Variants in RPS6KC1 observed in about 807,000 individuals in gnomAD.
RPS6KC1 encodes the protein inactive ribosomal protein S6 kinase delta-1.
Under a neutral mutation model 103.8 loss-of-function variants are expected in RPS6KC1, and 54 were observed. The observed-to-expected ratio is 0.52, with a 90% CI of 0.42 to 0.65. RPS6KC1 has a LOEUF of 0.65. Among genes scored for constraint, RPS6KC1 ranks in the 30% least tolerant of loss-of-function variants. RPS6KC1 has a pLI of 0.00. For missense variants in RPS6KC1, 1,151 were observed against 1,253.8 expected, an observed-to-expected ratio of 0.92 and a Z score of 1.24; for synonymous variants, 439 against 438.7, an observed-to-expected ratio of 1.00 and a Z score of -0.01.
chr1:213,081,705 A>C (rs1327612150), intron 3 of RPS6KC1, among the ~76,000 whole-genome samples: 2 of 146,546 alleles, frequency 1.4e-5, no homozygotes, highest in Non-Finnish European at 3.0e-5. Context: ...GAGGGATACC[A>C]GCTTTTCCTA....
intron 6 of RPS6KC1, among the ~76,000 whole-genome samples, chr1:213,137,458 C>G (rs1362765756): frequency 6.6e-6 from 1 of 151,864 alleles, no homozygotes; most frequent in Non-Finnish European, 1.5e-5. Flanking sequence ...CTCAACCTCC[C>G]GAGTAGCTGA....
At chr1:213,211,840 A>G (rs58490214) in intron 8 of RPS6KC1, among the ~76,000 whole-genome samples, 257 of 152,306 alleles carry the variant, frequency 1.7e-3, no homozygotes, top group African/African-American at 5.8e-3. Flanking sequence ...TGTTTTAGTT[A>G]TTTGTGTAAA....
At chr1:213,362,236 G>A in the RPS6KC1 span, among the ~76,000 whole-genome samples, 14,269 of 152,150 alleles carry the variant, frequency 0.094, 898 homozygotes, top group Non-Finnish European at 0.14. Context: ...GACTACAGTG[G>A]TGAGGGATTT....
At chr1:213,282,876 C>T in the RPS6KC1 span, among the ~76,000 whole-genome samples, 1 of 152,150 alleles carries the variant, frequency 6.6e-6, no homozygotes, top group Non-Finnish European at 1.5e-5. Flanking sequence ...CATATGCTTT[C>T]ATTATTTGAT....
the RPS6KC1 span, among the ~76,000 whole-genome samples, chr1:213,802,020 A>T: frequency 6.6e-6 from 1 of 152,170 alleles, no homozygotes; most frequent in African/African-American, 2.4e-5. Flanking sequence ...ATACTCAGTT[A>T]TTTTTTTCAC....
Position 213,167,969 on chromosome 1 carries a change from C to T in RPS6KC1, c.947C>T (p.Ser316Phe), listed in dbSNP as rs1014878313. The T allele has an allele frequency of 2.5e-6, 4 of 1,595,368 alleles. No individual in the cohort carries two copies. The Admixed American group carries it at 6.7e-5, about 27-fold the overall frequency. ...LYGKPQLDDV[S>F]QPPGSLSSRP... is the part of the protein sequence containing the mutation. ...GGGAAACCTCAGCTTGATGATGTAT[C>T]TCAGGTATGTCTCATATTTTGTTGT... Residue 316 changes from serine to phenylalanine, a missense_variant, in exon 7 of 15, where the codon TCT (serine) becomes TTT (phenylalanine). Around this residue, in one of 3 missense-constraint regions of RPS6KC1, gnomAD observed 959 missense variants for 1,006.3 expected, o/e 0.95. Transcript: ENST00000366960.
intron 6 of RPS6KC1, among the ~76,000 whole-genome samples, chr1:213,158,522 CAT>C (rs1159790078): frequency 6.6e-6 from 1 of 152,210 alleles, no homozygotes; most frequent in Non-Finnish European, 1.5e-5. Flanking sequence ...ATACCCATAA[CAT>C]ATCACAGTAG....
At chr1:213,296,636 G>A in the RPS6KC1 span, among the ~76,000 whole-genome samples, 1 of 152,202 alleles carries the variant, frequency 6.6e-6, no homozygotes, top group African/African-American at 2.4e-5. Flanking sequence ...GTTCTGTCTT[G>A]GGGAGGAAGG....
At chr1:213,526,631 A>AATCTGGGT in the RPS6KC1 span, among the ~76,000 whole-genome samples, 1 of 152,142 alleles carries the variant, frequency 6.6e-6, no homozygotes, top group African/African-American at 2.4e-5. Flanking sequence ...AGCGATCCAA[A>AATCTGGGT]ATCTGGGTTT....
chr1:213,322,211 C>T, the RPS6KC1 span, among the ~76,000 whole-genome samples: 2 of 152,140 alleles, frequency 1.3e-5, no homozygotes, highest in African/African-American at 2.4e-5. Flanking sequence ...GAGGCCGAGG[C>T]AGGAGAATTG....
the RPS6KC1 span, among the ~76,000 whole-genome samples, chr1:213,662,014 C>T: frequency 6.6e-6 from 1 of 152,088 alleles, no homozygotes; most frequent in African/African-American, 2.4e-5. Context: ...ACTGAAATTT[C>T]TAAGAAAACA....
chr1:213,275,862 C>T (rs1397834023), downstream of RPS6KC1, among the ~76,000 whole-genome samples: 2 of 152,194 alleles, frequency 1.3e-5, no homozygotes, highest in African/African-American at 4.8e-5. Context: ...CAACGTCTCC[C>T]CTTACCTCAT....
At chr1:213,766,443 T>C in the RPS6KC1 span, among the ~76,000 whole-genome samples, 1 of 152,160 alleles carries the variant, frequency 6.6e-6, no homozygotes, top group Non-Finnish European at 1.5e-5. Context: ...CAACACTCCT[T>C]GAGGACTGGA....
the RPS6KC1 span, among the ~76,000 whole-genome samples, chr1:213,511,334 G>C: frequency 6.6e-6 from 1 of 152,134 alleles, no homozygotes; most frequent in Non-Finnish European, 1.5e-5. Context: ...GTGCCCCCAC[G>C]GCCCTGCTCT....
the RPS6KC1 span, among the ~76,000 whole-genome samples, chr1:213,286,269 C>A: frequency 6.6e-6 from 1 of 152,090 alleles, no homozygotes; most frequent in Non-Finnish European, 1.5e-5. Context: ...GTATCTAGAA[C>A]CCAGATTGTG....
At chr1:213,275,861 C>A (rs565043291), downstream of RPS6KC1, among the ~76,000 whole-genome samples, 3 of 152,322 alleles carry the variant, frequency 2.0e-5, no homozygotes, top group East Asian at 5.8e-4. Flanking sequence ...CCAACGTCTC[C>A]CCTTACCTCA....
chr1:213,758,815 T>C, the RPS6KC1 span, among the ~76,000 whole-genome samples: 3 of 151,960 alleles, frequency 2.0e-5, no homozygotes, highest in African/African-American at 7.3e-5. Flanking sequence ...GAATAAGGAG[T>C]TGCTTTTTAT....
the RPS6KC1 span, among the ~76,000 whole-genome samples, chr1:213,324,707 C>T: frequency 6.9e-6 from 1 of 145,310 alleles, no homozygotes; most frequent in Admixed American, 7.2e-5. Flanking sequence ...TTACCATTTG[C>T]TTCATATCTA....
At chr1:213,093,086 A>C (rs1037116416) in intron 3 of RPS6KC1, among the ~76,000 whole-genome samples, 1 of 152,186 alleles carries the variant, frequency 6.6e-6, no homozygotes, top group Non-Finnish European at 1.5e-5. Context: ...ATTAATCTTA[A>C]TAAGTAAGCA....
Sources: gnomAD v4.1 joint callset for allele counts (sites outside exome capture counted in the v4.1 genomes callset) on GRCh38, gnomAD v4.1.1 for gene constraint, gnomAD v4.1.1 regional missense constraint, MANE v1.5 for transcripts, NCBI Gene and HGNC (gene_info 2026-07-23, HGNC 2026-07-21) for gene names.